The following CORO2A variants were observed in gnomAD, a reference collection of about 807,000 sequenced individuals.
CORO2A encodes the protein coronin 2A.
Under a neutral mutation model 62.4 loss-of-function variants are expected in CORO2A, and 47 were observed. The ratio of observed to expected loss-of-function variants is 0.75; its 90% confidence interval spans 0.60 to 0.96. The LOEUF is 0.96. CORO2A is among the 40% of genes least tolerant of loss of function. The pLI is 0.00. For missense variants in CORO2A, 610 were observed against 684.1 expected (o/e 0.89, Z 1.21); for synonymous variants, 273 against 268.9 (o/e 1.02, Z -0.15).
chr9:98,133,333 G>T, intron 4 of CORO2A, 116 bp from the exon 5 acceptor site: 1 of 1,018,172 alleles, frequency 9.8e-7, no homozygotes, highest in Non-Finnish European at 1.4e-6. Flanking sequence ...GGCGCAGCTG[G>T]CAGCCTGGCC....
At chr9:98,192,481 C>CCGGGGCGG (rs11281388) in intron 1 of CORO2A, 78 bp downstream of exon 1, 4 of 152,114 alleles carry the variant, frequency 2.6e-5, no homozygotes, top group Admixed American at 2.6e-4. Context: ...GGAGCTGCAG[C>CCGGGGCGG]CGCAGCGCGC....
chr9:98,188,272 C>T (rs1174778857), intron 1 of CORO2A, among the ~76,000 whole-genome samples: 1 of 152,224 alleles, frequency 6.6e-6, no homozygotes, highest in Non-Finnish European at 1.5e-5. Flanking sequence ...AAACTGCCCC[C>T]TCACACACCC....
At chr9:98,134,218 T>C (rs578219822) in intron 4 of CORO2A, among the ~76,000 whole-genome samples, 3 of 152,316 alleles carry the variant, frequency 2.0e-5, no homozygotes, top group South Asian at 2.1e-4. Flanking sequence ...TCCCAGGCTA[T>C]AGTGCAGGTC....
Position 98,129,766 on chromosome 9 carries a change from G to T in CORO2A, c.967+28C>A, listed in dbSNP as rs772072299. 3.9e-5 allele frequency: 60 copies of T among 1,550,814 alleles called. No homozygotes were observed. Among genetic ancestry groups the T allele is most frequent in the Non-Finnish European group, 1.1e-5 (12 of 1,122,732 alleles). ...GGCCTCCCGAAGTGCTGGGATTACAGGCATGAACTTCAGTGTCCCTCACTT... is the reference window on the plus strand; with the variant it reads ...GGCCTCCCGAAGTGCTGGGATTACATGCATGAACTTCAGTGTCCCTCACTT... On this transcript the variant is annotated intron_variant, in intron 8 of 11. Coordinates refer to ENST00000375077, the MANE Select transcript of CORO2A (RefSeq NM_052820.4).
chr9:98,144,492 A>G (rs1298421890), intron 2 of CORO2A, among the ~76,000 whole-genome samples: 1 of 152,162 alleles, frequency 6.6e-6, no homozygotes, highest in African/African-American at 2.4e-5. Flanking sequence ...AGGACATACT[A>G]TGTGCCAGAC....
At chr9:98,142,851 CCTGCG>C (rs1355497962) in intron 2 of CORO2A, among the ~76,000 whole-genome samples, 79 of 120,336 alleles carry the variant, frequency 6.6e-4, no homozygotes, top group Middle Eastern at 4.5e-3. Flanking sequence ...CCTGCCCTGC[CCTGCG>C]CTGCCCTGCG....
chr9:98,159,482 C>T (rs145201578), intron 1 of CORO2A, among the ~76,000 whole-genome samples: 62 of 151,990 alleles, frequency 4.1e-4, no homozygotes, highest in African/African-American at 1.4e-3. Context: ...CTCATCTAAA[C>T]GGCACCTTCC....
intron 1 of CORO2A, among the ~76,000 whole-genome samples, chr9:98,184,362 G>C (rs1828211986): frequency 6.6e-6 from 1 of 151,996 alleles, no homozygotes; most frequent in African/African-American, 2.4e-5. Context: ...ATGTAGAAAA[G>C]ACCAAAGAAA....
At chr9:98,180,089 AAAC>A (rs376535111) in intron 1 of CORO2A, among the ~76,000 whole-genome samples, 2 of 152,170 alleles carry the variant, frequency 1.3e-5, no homozygotes, top group African/African-American at 4.8e-5. Context: ...CTGCAATTCT[AAAC>A]AACGTCAGTG....
At chr9:98,147,026 G>A (rs181443882) in intron 2 of CORO2A, among the ~76,000 whole-genome samples, 5 of 152,146 alleles carry the variant, frequency 3.3e-5, no homozygotes, top group Non-Finnish European at 7.4e-5. Flanking sequence ...CAGCACTTTG[G>A]GGGGCTGAGG....
intron 1 of CORO2A, among the ~76,000 whole-genome samples, chr9:98,158,859 ACC>A (rs1827843786): frequency 1.3e-5 from 2 of 150,306 alleles, no homozygotes; most frequent in East Asian, 2.0e-4. Flanking sequence ...ACACACACAC[ACC>A]ATGTATATTG....
chr9:98,129,649 C>T, intron 8 of CORO2A, 145 bp downstream of exon 8: 1 of 677,786 alleles, frequency 1.5e-6, no homozygotes, highest in Non-Finnish European at 2.7e-6. Context: ...CCCACCAAGT[C>T]AGAGTGTTGC....
intron 1 of CORO2A, among the ~76,000 whole-genome samples, chr9:98,190,216 C>T (rs1828290658): frequency 6.6e-6 from 1 of 152,134 alleles, no homozygotes; most frequent in Non-Finnish European, 1.5e-5. Flanking sequence ...AACAGCACTA[C>T]ATATGTCTCT....
chr9:98,148,247 T>C (rs191026295), intron 2 of CORO2A, among the ~76,000 whole-genome samples: 116 of 149,918 alleles, frequency 7.7e-4, no homozygotes, highest in Admixed American at 3.8e-3. Context: ...ATATAAAAAC[T>C]AGCCAGGTGT....
chr9:98,156,844 C>T (rs187085373), intron 2 of CORO2A, among the ~76,000 whole-genome samples: 469 of 152,282 alleles, frequency 3.1e-3, no homozygotes, highest in Middle Eastern at 6.8e-3. Context: ...CTGCTGTGAG[C>T]CAGTGGCACT....
chr9:98,139,045 CAA>C (rs60779052), intron 2 of CORO2A, among the ~76,000 whole-genome samples: 85 of 103,310 alleles, frequency 8.2e-4, no homozygotes, highest in Admixed American at 2.5e-3. Flanking sequence ...GATTCTGTCT[CAA>C]AAAAAAAAAA....
chr9:98,166,600 T>C (rs930949144), intron 1 of CORO2A, among the ~76,000 whole-genome samples: 8 of 152,192 alleles, frequency 5.3e-5, no homozygotes, highest in Non-Finnish European at 8.8e-5. Context: ...CTATGAAAGA[T>C]AGTACGGCAG....
At chr9:98,165,112 A>G (rs1182671848) in intron 1 of CORO2A, among the ~76,000 whole-genome samples, 1 of 127,842 alleles carries the variant, frequency 7.8e-6, no homozygotes, top group Non-Finnish European at 1.9e-5. Flanking sequence ...AAGAACAAGC[A>G]TGTACCACCG....
chr9:98,173,973 G>A (rs893898999), intron 1 of CORO2A, among the ~76,000 whole-genome samples: 5 of 152,024 alleles, frequency 3.3e-5, no homozygotes, highest in Admixed American at 2.0e-4. Context: ...AAAATTAGCC[G>A]GGCGTGGTGG....
Sources: allele counts gnomAD v4.1 joint callset (sites outside exome capture counted in the v4.1 genomes callset), GRCh38; gene constraint gnomAD v4.1.1; transcripts MANE v1.5; gene names NCBI Gene and HGNC (gene_info 2026-07-23, HGNC 2026-07-21).